Variants in SPATA7 observed in about 807,000 individuals in gnomAD.
SPATA7 encodes the protein spermatogenesis associated 7.
Under a neutral mutation model 51.8 loss-of-function variants are expected in SPATA7, and 43 were observed. The observed-to-expected ratio is 0.83, with a 90% CI of 0.65 to 1.07. The LOEUF (loss-of-function observed/expected upper bound fraction) is 1.07. Among genes scored for constraint, SPATA7 ranks in the 50% least tolerant of loss-of-function variants. The pLI, the probability that SPATA7 is intolerant of heterozygous loss-of-function variation, is 0.00. For missense variants in SPATA7, 683 were observed against 701.3 expected, an observed-to-expected ratio of 0.97 and a Z score of 0.30; for synonymous variants, 230 against 252.8, an observed-to-expected ratio of 0.91 and a Z score of 0.86.
chr14:88,460,785 CT>C (rs1372975168), intron 4 of SPATA7, among the ~76,000 whole-genome samples: 17 of 152,190 alleles, frequency 1.1e-4, no homozygotes, highest in Non-Finnish European at 2.1e-4. Flanking sequence ...GAGAGGCGCT[CT>C]GATTTTTAGA....
chr14:88,465,523 C>CTAT (rs1414781573), intron 4 of SPATA7, among the ~76,000 whole-genome samples: 1 of 151,726 alleles, frequency 6.6e-6, no homozygotes, highest in African/African-American at 2.4e-5. Flanking sequence ...CTAAGCTAAA[C>CTAT]TATTTCATCA....
At chr14:88,434,416 G>A (rs1417940173) in intron 10 of SPATA7, among the ~76,000 whole-genome samples, 1 of 152,198 alleles carries the variant, frequency 6.6e-6, no homozygotes, top group Non-Finnish European at 1.5e-5. Flanking sequence ...GCTGGGCGCA[G>A]TGGCTCACAC....
At chr14:88,466,701 C>G (rs1008573359) in intron 4 of SPATA7, 2 of 152,174 alleles carry the variant, frequency 1.3e-5, no homozygotes, top group Admixed American at 1.3e-4. Flanking sequence ...CAGCCTGGCT[C>G]TGTCTATTGG....
At chr14:88,437,181 G>T (rs1038506051) in intron 10 of SPATA7, among the ~76,000 whole-genome samples, 6 of 150,996 alleles carry the variant, frequency 4.0e-5, no homozygotes, top group Non-Finnish European at 7.4e-5. Context: ...ATCTCTGTAA[G>T]AGGTTTTTCT....
chr14:88,448,247 G>A (rs1360817489), intron 3 of SPATA7, among the ~76,000 whole-genome samples: 19 of 151,594 alleles, frequency 1.3e-4, no homozygotes, highest in Admixed American at 4.6e-4. Flanking sequence ...ATCTTCCATC[G>A]CTGATACCCT....
chr14:88,432,081 G>A (rs139826381), intron 9 of SPATA7, among the ~76,000 whole-genome samples: 11 of 151,958 alleles, frequency 7.2e-5, no homozygotes, highest in African/African-American at 2.7e-4. Flanking sequence ...TATTTTTTAA[G>A]TAAAAATAAT....
At chr14:88,464,868 TTTC>T (rs2077345221) in intron 4 of SPATA7, among the ~76,000 whole-genome samples, 1 of 152,220 alleles carries the variant, frequency 6.6e-6, no homozygotes, top group African/African-American at 2.4e-5. Flanking sequence ...ATATTTAAAT[TTTC>T]TTAATATTGT....
rs188252563 is a variant in SPATA7, at chr14:88,405,503, T to C, written c.238+9300T>C. 1.2e-3 allele frequency among the ~76,000 whole-genome samples: 189 copies of C among 152,184 alleles called. 1 individual carries two copies. Among genetic ancestry groups the C allele is most frequent in the South Asian group, 5.6e-3 (27 of 4,818 alleles). The stretch of plus-strand genomic sequence containing the variant: ...CCAGAGTGGTTGCAGTGGAGAGAGA[T>C]TGAAATAATCAGATTCTGGAAACAT... On this transcript the variant is annotated intron_variant, in intron 4 of 11. Coordinates refer to ENST00000393545, the MANE Select transcript of SPATA7 (RefSeq NM_018418.5).
rs1211357395 is a variant in SPATA7 at position 88,469,112 on chromosome 14, G to A, written c.255-735G>A. On this transcript the variant is annotated intron_variant, in intron 4 of 4. Transcript: ENST00000556406. The surrounding 1 kb of genome is among the most constrained non-coding windows in gnomAD (Gnocchi z 4.3). Reference sequence around the variant, plus strand: ...TCAATGAAATAGAAAAGTACTCAAGGATCAAGGCGTATCACATTGTTGACT... The same window carrying A: ...TCAATGAAATAGAAAAGTACTCAAGAATCAAGGCGTATCACATTGTTGACT... The A allele has an allele frequency of 3.2e-6, 5 of 1,583,842 alleles. No homozygotes were observed. In the South Asian group the frequency reaches 4.6e-5, roughly 14 times the overall value.
Position 88,385,775 on chromosome 14 carries a change from A to G in SPATA7, c.-44A>G. 6.3e-7 allele frequency: 1 copy of G among 1,576,470 alleles called. No homozygotes were observed. Among genetic ancestry groups the G allele is most frequent in the Non-Finnish European group, 8.7e-7 (1 of 1,152,938 alleles). Reference sequence around the variant, plus strand: ...TGGGCCCGGCCGCGGGAAGGACCGAAGGGGATACAGCGTGTCCCTGCGGCG... The same window carrying G: ...TGGGCCCGGCCGCGGGAAGGACCGAGGGGGATACAGCGTGTCCCTGCGGCG... On this transcript the variant is annotated 5_prime_UTR_variant, in exon 1 of 12. Transcript: ENST00000393545.
At chr14:88,455,813 G>T (rs1413381928), downstream of SPATA7, among the ~76,000 whole-genome samples, 1 of 151,860 alleles carries the variant, frequency 6.6e-6, no homozygotes, top group East Asian at 1.9e-4. Flanking sequence ...TGCCGTGTTG[G>T]TGTGCTGCAC....
intron 3 of SPATA7, among the ~76,000 whole-genome samples, chr14:88,446,450 AT>A (rs1435357589): frequency 6.6e-6 from 1 of 151,774 alleles, no homozygotes; most frequent in Non-Finnish European, 1.5e-5. Flanking sequence ...GGATTAATTA[AT>A]TTTTTGAAGG....
At chr14:88,404,645 A>T (rs1367469752) in intron 4 of SPATA7, among the ~76,000 whole-genome samples, 1 of 152,058 alleles carries the variant, frequency 6.6e-6, no homozygotes, top group African/African-American at 2.4e-5. Flanking sequence ...TGAACCCGGG[A>T]GGGGGAGGTT....
chr14:88,386,561 C>T (rs978358574), intron 1 of SPATA7, among the ~76,000 whole-genome samples: 2 of 152,106 alleles, frequency 1.3e-5, no homozygotes, highest in Non-Finnish European at 2.9e-5. Context: ...TACACCTGTT[C>T]TCTACTGATT....
At chr14:88,459,718 A>G (rs987709997), downstream of SPATA7, among the ~76,000 whole-genome samples, 4 of 152,280 alleles carry the variant, frequency 2.6e-5, no homozygotes, top group African/African-American at 9.6e-5. Flanking sequence ...ATTTACATTT[A>G]AGGTTAATAT....
chr14:88,469,794 A>T lies in SPATA7; in HGVS notation c.255-53A>T, dbSNP rs1045075566. On this transcript the variant is annotated intron_variant, in intron 4 of 4. Transcript: ENST00000556406. This position sits in a 1 kb window ranked among gnomAD's most constrained non-coding sequence, Gnocchi z 4.3. ...CCGGCAATGGATGCCTTTCTCACAT[A>T]GACGGCACATCTGAAACAGAACCAC... 6.3e-7 allele frequency: 1 copy of T among 1,598,074 alleles called. No homozygotes were observed. The highest frequency in any genetic ancestry group is 8.6e-7 in the Non-Finnish European group (1 of 1,165,582).
intron 4 of SPATA7, among the ~76,000 whole-genome samples, chr14:88,408,342 A>G (rs1486816250): frequency 6.6e-6 from 1 of 152,042 alleles, no homozygotes; most frequent in Non-Finnish European, 1.5e-5. Flanking sequence ...TTTAAGTTCT[A>G]TTCTTAGGTA....
At chr14:88,397,598 A>G (rs557083645) in intron 4 of SPATA7, among the ~76,000 whole-genome samples, 22 of 151,452 alleles carry the variant, frequency 1.5e-4, no homozygotes, top group African/African-American at 5.3e-4. Context: ...AGCCATGATC[A>G]TGCCACTGCA....
At chr14:88,453,199 G>T (rs571628285) in intron 3 of SPATA7, among the ~76,000 whole-genome samples, 1 of 152,274 alleles carries the variant, frequency 6.6e-6, no homozygotes, top group African/African-American at 2.4e-5. Context: ...ATTTGTTCAC[G>T]GAGGAAGATA....
Sources: gnomAD v4.1 joint callset for allele counts (sites outside exome capture counted in the v4.1 genomes callset) on GRCh38, gnomAD v4.1.1 for gene constraint, Gnocchi (gnomAD v3.1) non-coding constraint, MANE v1.5 for transcripts, NCBI Gene and HGNC (gene_info 2026-07-23, HGNC 2026-07-21) for gene names.